CLNK: variants seen among roughly 807,000 people sequenced by gnomAD.
CLNK encodes the protein cytokine dependent hematopoietic cell linker, also known as cytokine-dependent hematopoietic cell linker.
CLNK carries 74 observed loss-of-function variants against 68.6 expected under a neutral mutation model. The observed-to-expected ratio is 1.08, with a 90% CI of 0.89 to 1.31. The LOEUF (loss-of-function observed/expected upper bound fraction) is 1.31. Ranked by LOEUF, CLNK falls within the 50% of genes most tolerant of loss-of-function variation. The pLI is 0.00. For synonymous variants in CLNK, 198 were observed against 172.2 expected (o/e 1.15, Z -1.17); for missense variants, 553 against 515.3 (o/e 1.07, Z -0.71).
intron 2 of CLNK, among the ~76,000 whole-genome samples, chr4:10,648,623 G>A (rs769107589): frequency 6.6e-6 from 1 of 152,128 alleles, no homozygotes; most frequent in Non-Finnish European, 1.5e-5. Flanking sequence ...TTCTTTTTCC[G>A]ATGAAGAAAT....
chr4:10,654,384 A>AATATAT lies in CLNK; in HGVS notation c.11+13469_11+13474dup, dbSNP rs71281268. Among the ~76,000 whole-genome samples, 126 of 84,162 alleles carry AATATAT rather than the reference A, an allele frequency of 1.5e-3. 8 individuals are homozygous for AATATAT. Among genetic ancestry groups the AATATAT allele is most frequent in the African/African-American group, 3.6e-3 (107 of 29,570 alleles). The allele number at this position is 84,162 out of a possible 152,430, so 55.2% of individuals were successfully genotyped here. A position where few individuals can be genotyped will look rare whatever the true frequency, so the allele number is the denominator to read the frequency against. The stretch of plus-strand genomic sequence containing the variant: ...TATATAGATAAATATATATTGATTA[A>AATATAT]ATATATATATATATATATAGAAAGT... On this transcript the variant is annotated intron_variant, in intron 2 of 18. Transcript: ENST00000226951.
At chr4:10,604,894 G>A (rs770056738) in intron 2 of CLNK, among the ~76,000 whole-genome samples, 22 of 152,302 alleles carry the variant, frequency 1.4e-4, no homozygotes, top group African/African-American at 3.4e-4. Context: ...CAGTGTAGAC[G>A]TTGCTGTGAA....
At chr4:10,686,433 G>A (rs1264888451), upstream of CLNK, among the ~76,000 whole-genome samples, 1 of 151,734 alleles carries the variant, frequency 6.6e-6, no homozygotes, top group African/African-American at 2.4e-5. Context: ...AGAGGCAGTT[G>A]GATGATCTAA....
At chr4:10,671,325 G>A (rs1724628158) in intron 1 of CLNK, among the ~76,000 whole-genome samples, 1 of 152,012 alleles carries the variant, frequency 6.6e-6, no homozygotes, top group South Asian at 2.1e-4. Flanking sequence ...GGTAGAGGCT[G>A]CAGTGAGCCA....
intron 1 of CLNK, among the ~76,000 whole-genome samples, chr4:10,669,640 G>A (rs912544938): frequency 2.0e-5 from 3 of 152,114 alleles, no homozygotes; most frequent in African/African-American, 7.2e-5. Context: ...TAAGGGATGG[G>A]ATCTGAACTT....
At chr4:10,552,499 C>A (rs760383416) in intron 8 of CLNK, among the ~76,000 whole-genome samples, 6 of 152,082 alleles carry the variant, frequency 3.9e-5, no homozygotes, top group Non-Finnish European at 5.9e-5. Context: ...TTTTTGCATG[C>A]GTGTCTGACA....
chr4:10,575,170 C>T (rs1345200399), intron 4 of CLNK, among the ~76,000 whole-genome samples: 1 of 152,210 alleles, frequency 6.6e-6, no homozygotes, highest in Non-Finnish European at 1.5e-5. Context: ...TAATCCCGTA[C>T]CTATCTCCAT....
chr4:10,707,840 C>A, the CLNK span, among the ~76,000 whole-genome samples: 1 of 152,184 alleles, frequency 6.6e-6, no homozygotes, highest in Non-Finnish European at 1.5e-5. Context: ...ACCCAGTGGC[C>A]ACTCTTGCAC....
intron 4 of CLNK, among the ~76,000 whole-genome samples, chr4:10,576,090 G>C (rs955296495): frequency 1.3e-5 from 2 of 152,174 alleles, no homozygotes; most frequent in Non-Finnish European, 2.9e-5. Context: ...TCAATAGTCA[G>C]TTGTCAAATA....
At chr4:10,629,625 C>A (rs1722807741) in intron 2 of CLNK, among the ~76,000 whole-genome samples, 1 of 152,176 alleles carries the variant, frequency 6.6e-6, no homozygotes. Flanking sequence ...GGAGATTGCA[C>A]ATTTACTCAT....
chr4:10,696,621 C>T, the CLNK span, among the ~76,000 whole-genome samples: 1 of 152,130 alleles, frequency 6.6e-6, no homozygotes. Flanking sequence ...GAGAAGAGCA[C>T]CACAAGAAAG....
chr4:10,516,830 C>T (rs987461858), intron 15 of CLNK, among the ~76,000 whole-genome samples: 36 of 152,090 alleles, frequency 2.4e-4, no homozygotes, highest in African/African-American at 7.5e-4. Flanking sequence ...GGATTATAGG[C>T]GTGAGCCACC....
the CLNK span, among the ~76,000 whole-genome samples, chr4:10,729,227 C>A: frequency 6.6e-6 from 1 of 152,070 alleles, no homozygotes; most frequent in African/African-American, 2.4e-5. Flanking sequence ...TGGTCTTACA[C>A]CAGTCAGAAT....
chr4:10,698,838 A>T, the CLNK span, among the ~76,000 whole-genome samples: 1 of 152,166 alleles, frequency 6.6e-6, no homozygotes, highest in African/African-American at 2.4e-5. Flanking sequence ...AGTAAAGCAG[A>T]TTGCTCTCCC....
chr4:10,539,437 G>A (rs984071077), intron 11 of CLNK, among the ~76,000 whole-genome samples: 3 of 152,190 alleles, frequency 2.0e-5, no homozygotes, highest in Admixed American at 2.0e-4. Flanking sequence ...CATGAGAAAT[G>A]CTTTCTCACT....
chr4:10,575,072 G>A (rs150680486), intron 4 of CLNK, among the ~76,000 whole-genome samples: 2 of 152,090 alleles, frequency 1.3e-5, no homozygotes, highest in Non-Finnish European at 2.9e-5. Context: ...TCTGCAGCTT[G>A]TCCTGCTACA....
chr4:10,658,305 A>T (rs1277311442), intron 2 of CLNK, among the ~76,000 whole-genome samples: 1 of 152,232 alleles, frequency 6.6e-6, no homozygotes, highest in East Asian at 1.9e-4. Flanking sequence ...TTTAAATTGT[A>T]TCCTGAATAT....
intron 2 of CLNK, among the ~76,000 whole-genome samples, chr4:10,631,733 T>TCAA (rs1199912994): frequency 6.6e-6 from 1 of 152,246 alleles, no homozygotes; most frequent in Non-Finnish European, 1.5e-5. Context: ...GGAAAATATT[T>TCAA]CAACTGTAGT....
chr4:10,586,022 C>T (rs1720952413), intron 3 of CLNK, among the ~76,000 whole-genome samples: 2 of 152,072 alleles, frequency 1.3e-5, no homozygotes, highest in South Asian at 2.1e-4. Flanking sequence ...TCACAAAGAG[C>T]GTGAACCTAG....
Sources: gnomAD v4.1 joint callset for allele counts (sites outside exome capture counted in the v4.1 genomes callset) on GRCh38, gnomAD v4.1.1 for gene constraint, MANE v1.5 for transcripts, NCBI Gene and HGNC (gene_info 2026-07-23, HGNC 2026-07-21) for gene names.